Variants in MME observed in about 807,000 individuals in gnomAD.
MME encodes membrane metalloendopeptidase.
Under a neutral mutation model 113.2 loss-of-function variants are expected in MME, and 98 were observed. The ratio of observed to expected loss-of-function variants is 0.87; its 90% CI spans 0.74 to 1.02. The LOEUF (loss-of-function observed/expected upper bound fraction) is 1.02. Ranked by LOEUF, MME falls within the 50% of genes least tolerant of loss-of-function variation. The pLI, the probability that MME is intolerant of heterozygous loss-of-function variation, is 0.00. For synonymous variants in MME, 292 were observed against 300.6 expected, an observed-to-expected ratio of 0.97 and a Z score of 0.30; for missense variants, 836 against 896.0, an observed-to-expected ratio of 0.93 and a Z score of 0.86.
chr3:155,147,209 T>C lies in MME; in HGVS notation c.1482T>C (p.Asn494=), dbSNP rs751436119. The part of the protein sequence containing the change: ...DDIVSNDNKL[N]NEYLELNYKE... ...TTGTTTCAAATGATAACAAACTGAATAATGAGTACCTCGAGGTAAGTCTCT... is the reference window on the plus strand; with the variant it reads ...TTGTTTCAAATGATAACAAACTGAACAATGAGTACCTCGAGGTAAGTCTCT... Residue 494 remains asparagine, a synonymous_variant, in exon 15 of 23, where the codon AAT becomes AAC. Coordinates refer to ENST00000360490, the MANE Select transcript of MME (RefSeq NM_007289.4). 3.7e-6 allele frequency: 6 copies of C among 1,600,302 alleles called. No individual in the cohort carries two copies. Among genetic ancestry groups the C allele is most frequent in the East Asian group, 2.2e-5 (1 of 44,722 alleles).
chr3:155,148,793 C>A, intron 16 of MME, 140 bp downstream of exon 16: 1 of 680,564 alleles, frequency 1.5e-6, no homozygotes, highest in Non-Finnish European at 2.6e-6. Flanking sequence ...CTTCTAAAAG[C>A]ATCTAATTAT....
At chr3:155,077,545 C>A (rs568459465), upstream of MME, among the ~76,000 whole-genome samples, 1 of 151,974 alleles carries the variant, frequency 6.6e-6, no homozygotes, top group Non-Finnish European at 1.5e-5. Flanking sequence ...AACAAACAAA[C>A]AAACAACAAC....
chr3:155,167,666 C>A (rs1001862062), intron 18 of MME, among the ~76,000 whole-genome samples: 8 of 152,108 alleles, frequency 5.3e-5, no homozygotes, highest in African/African-American at 1.9e-4. Flanking sequence ...TACTTAATCC[C>A]CATTTTAGAG....
chr3:155,111,536 G>C (rs1252908095), intron 3 of MME, among the ~76,000 whole-genome samples: 1 of 152,134 alleles, frequency 6.6e-6, no homozygotes, highest in Non-Finnish European at 1.5e-5. Context: ...TTGCCCCCTG[G>C]GAGATGTGGG....
intron 16 of MME, among the ~76,000 whole-genome samples, chr3:155,157,944 C>A (rs924597949): frequency 1.3e-5 from 2 of 152,074 alleles, no homozygotes; most frequent in Admixed American, 6.6e-5. Flanking sequence ...AAACATAAAT[C>A]AAAATGCAGT....
At chr3:155,052,164 G>C (rs1713784946) in intron 1 of MME, among the ~76,000 whole-genome samples, 1 of 152,204 alleles carries the variant, frequency 6.6e-6, no homozygotes, top group Non-Finnish European at 1.5e-5. Flanking sequence ...TGGCTTTCCA[G>C]GGTACAGTCC....
intron 3 of MME, among the ~76,000 whole-genome samples, chr3:155,100,896 C>CT (rs1484049684): frequency 6.6e-6 from 1 of 152,128 alleles, no homozygotes; most frequent in Non-Finnish European, 1.5e-5. Flanking sequence ...TGCTATGAAA[C>CT]TTTTTGATGT....
intron 1 of MME, among the ~76,000 whole-genome samples, chr3:155,025,089 T>C (rs1712736693): frequency 6.6e-6 from 1 of 152,188 alleles, no homozygotes; most frequent in South Asian, 2.1e-4. Context: ...CAGGGGCAGA[T>C]AATGAGGGAT....
chr3:155,152,625 G>T (rs1722014047), intron 16 of MME, among the ~76,000 whole-genome samples: 1 of 152,232 alleles, frequency 6.6e-6, no homozygotes, highest in South Asian at 2.1e-4. Context: ...CGGATCACTT[G>T]AGGTCAGGAG....
At chr3:155,086,986 G>GTTTTTTTTGT (rs1715793576) in intron 3 of MME, among the ~76,000 whole-genome samples, 1 of 131,388 alleles carries the variant, frequency 7.6e-6, no homozygotes, top group Non-Finnish European at 1.6e-5. Flanking sequence ...TGGGTTTTTT[G>GTTTTTTTTGT]TTTTTTTTGT....
intron 3 of MME, among the ~76,000 whole-genome samples, chr3:155,087,854 G>A (rs1029165389): frequency 2.0e-5 from 3 of 152,128 alleles, no homozygotes; most frequent in Non-Finnish European, 4.4e-5. Flanking sequence ...TCAGAATCTG[G>A]AATCTTAAAT....
At chr3:155,175,665 G>A (rs919067148) in intron 22 of MME, among the ~76,000 whole-genome samples, 1 of 152,110 alleles carries the variant, frequency 6.6e-6, no homozygotes, top group African/African-American at 2.4e-5. Context: ...CAGTCAGGAA[G>A]AAAGGGCACT....
intron 1 of MME, among the ~76,000 whole-genome samples, chr3:155,065,893 T>C (rs190073749): frequency 2.2e-4 from 33 of 152,332 alleles, no homozygotes; most frequent in Admixed American, 2.1e-3. Context: ...TACACTGATG[T>C]TCCAAATTGT....
At chr3:155,065,919 G>A (rs1051029301) in intron 1 of MME, among the ~76,000 whole-genome samples, 2 of 152,218 alleles carry the variant, frequency 1.3e-5, no homozygotes, top group Admixed American at 1.3e-4. Flanking sequence ...TTGCTGTGCA[G>A]TGGAGCTACT....
intron 1 of MME, among the ~76,000 whole-genome samples, chr3:155,063,137 TTA>T (rs1180193077): frequency 1.7e-5 from 2 of 116,726 alleles, no homozygotes; most frequent in Admixed American, 8.3e-5. Context: ...TGTTATATAA[TTA>T]TGTTATATAT....
rs200966070 is a variant in MME at position 155,180,449 on chromosome 3, G to A, written c.2243G>A (p.Arg748Gln). ...TACATGAATCCAGAAAAGAAGTGCCGGGTTTGGTGATCTTCAAAAGAAGCA... is the reference window on the plus strand; with the variant it reads ...TACATGAATCCAGAAAAGAAGTGCCAGGTTTGGTGATCTTCAAAAGAAGCA... ...NSYMNPEKKC[R>Q]VW The change falls in exon 23 of 23, where the codon CGG (arginine) becomes CAG (glutamine). Residue 748 changes from arginine (R) to glutamine (Q), a missense_variant. Coordinates refer to ENST00000360490, the MANE Select transcript of MME (RefSeq NM_007289.4). The A allele has an allele frequency of 3.8e-5, 62 of 1,612,746 alleles. No homozygotes were observed. The highest frequency in any genetic ancestry group is 1.6e-4 in the Middle Eastern group (1 of 6,080).
At chr3:155,061,181 G>A (rs1310408479) in intron 1 of MME, among the ~76,000 whole-genome samples, 3 of 152,280 alleles carry the variant, frequency 2.0e-5, no homozygotes, top group Non-Finnish European at 4.4e-5. Flanking sequence ...GGGCGGGCGC[G>A]GTGGCTCACG....
chr3:155,039,409 C>T lies in MME; in HGVS notation c.-11+15085C>T, dbSNP rs537737155. Among the ~76,000 whole-genome samples the T allele has an allele frequency of 5.9e-5, 9 of 152,182 alleles. No homozygotes were observed. In the South Asian group the frequency reaches 6.2e-4, roughly 11 times the overall value. ...AGGTCAGGGGTATATTGTAGAATTG[C>T]GCAGTGGCAGCATTAGAGACCTGTT... On this transcript the variant is annotated intron_variant, in intron 1 of 22. Coordinates refer to the MME transcript ENST00000492661.
intron 1 of MME, among the ~76,000 whole-genome samples, chr3:155,059,258 C>CAAAA (rs11459710): frequency 0.016 from 917 of 55,960 alleles, 32 homozygotes; most frequent in African/African-American, 0.059. Flanking sequence ...AATTCTGTCT[C>CAAAA]AAAAAAAAAA....
Sources: gnomAD v4.1 joint callset for allele counts (sites outside exome capture counted in the v4.1 genomes callset) on GRCh38, gnomAD v4.1.1 for gene constraint, MANE v1.5 for transcripts, NCBI Gene and HGNC (gene_info 2026-07-23, HGNC 2026-07-21) for gene names.